TLN2: variants seen among roughly 807,000 people sequenced by gnomAD.
The protein encoded by TLN2 is talin 2.
A neutral mutation model predicts 294.7 loss-of-function variants in TLN2; 118 were observed. That is an observed-to-expected ratio of 0.40 (90% CI 0.34 to 0.47). The LOEUF (loss-of-function observed/expected upper bound fraction) is 0.47, where lower values mean the gene tolerates loss of function less well. Ranked by LOEUF, TLN2 falls within the 20% of genes least tolerant of loss-of-function variation. The pLI is 0.84. For missense variants in TLN2, 3,083 were observed against 3,282.2 expected (o/e 0.94, Z 1.48); for synonymous variants, 1,431 against 1,304.5 (o/e 1.10, Z -2.09).
chr15:62,736,727 ACTT>A, intron 28 of TLN2, 148 bp from the exon 29 acceptor site: 2 of 842,994 alleles, frequency 2.4e-6, no homozygotes, highest in East Asian at 2.7e-5. Flanking sequence ...GAAGCCAGCT[ACTT>A]CTTTGAGAAA....
intron 41 of TLN2, among the ~76,000 whole-genome samples, chr15:62,768,880 G>GAACT (rs2063181536): frequency 6.6e-6 from 1 of 152,230 alleles, no homozygotes; most frequent in African/African-American, 2.4e-5. Context: ...CAGTCCTGAT[G>GAACT]AACTCTCAGT....
intron 1 of TLN2, among the ~76,000 whole-genome samples, chr15:62,573,889 C>T (rs1228023480): frequency 6.6e-6 from 1 of 151,930 alleles, no homozygotes; most frequent in Non-Finnish European, 1.5e-5. Flanking sequence ...AATAGCTACC[C>T]AAGCTCACAA....
At chr15:62,715,353 C>T (rs1397902439) in intron 22 of TLN2, among the ~76,000 whole-genome samples, 2 of 152,166 alleles carry the variant, frequency 1.3e-5, no homozygotes, top group Admixed American at 6.5e-5. Flanking sequence ...TGCCTGAAAG[C>T]GTTCATAGGA....
intron 1 of TLN2, among the ~76,000 whole-genome samples, chr15:62,545,521 T>TGTGTGTGTGTGTGTGTGTGTGC (rs1247879192): frequency 3.4e-4 from 50 of 147,160 alleles, no homozygotes; most frequent in African/African-American, 1.3e-3. Flanking sequence ...TCTTTGTGTG[T>TGTGTGTGTGTGTGTGTGTGTGC]GTGTGTGTGT....
intron 32 of TLN2, among the ~76,000 whole-genome samples, chr15:62,743,683 A>G (rs1330110641): frequency 3.9e-5 from 6 of 152,116 alleles, no homozygotes; most frequent in Non-Finnish European, 5.9e-5. Flanking sequence ...CCCTAAACTT[A>G]GTCAAGGAAA....
chr15:62,837,120 C>T (rs2069766021), intron 57 of TLN2, among the ~76,000 whole-genome samples: 1 of 152,150 alleles, frequency 6.6e-6, no homozygotes, highest in Non-Finnish European at 1.5e-5. Context: ...AGTCATGTAG[C>T]AAATCATAAA....
intron 9 of TLN2, among the ~76,000 whole-genome samples, chr15:62,659,065 A>G (rs2053541395): frequency 6.6e-6 from 1 of 152,220 alleles, no homozygotes; most frequent in South Asian, 2.1e-4. Flanking sequence ...TCTCCCTGGT[A>G]GGAAGGCGAT....
intron 2 of TLN2, among the ~76,000 whole-genome samples, chr15:62,609,005 A>G (rs1391623026): frequency 6.6e-6 from 1 of 152,092 alleles, no homozygotes; most frequent in South Asian, 2.1e-4. Context: ...GCAAGGGAGC[A>G]TAGAGGCCGG....
chr15:62,450,341 A>G (rs76428074), intron 1 of TLN2, among the ~76,000 whole-genome samples: 1,684 of 152,276 alleles, frequency 0.011, 25 homozygotes, highest in African/African-American at 0.038. Flanking sequence ...TATCCGAGTC[A>G]CCGTGTTTGT....
chr15:62,511,264 G>A (rs1289476081), intron 1 of TLN2, among the ~76,000 whole-genome samples: 1 of 152,130 alleles, frequency 6.6e-6, no homozygotes, highest in Non-Finnish European at 1.5e-5. Context: ...GTTTTTTTAT[G>A]TTTAGGAATG....
chr15:62,577,897 T>A (rs201775750), intron 1 of TLN2, among the ~76,000 whole-genome samples: 1 of 152,144 alleles, frequency 6.6e-6, no homozygotes, highest in African/African-American at 2.4e-5. Context: ...CCTGTGTCCA[T>A]GTGTTCTCAT....
In TLN2 at chr15:62,719,943, T is replaced by C. The variant is rs182820155; in HGVS notation, c.2991+63T>C. On this transcript the variant is annotated intron_variant, in intron 25 of 58. Transcript: ENST00000636159. ...CCTCTTCTGGGCAGGGGCTGCCCTT[T>C]AAGGAGAGGAGTTAATGAATTCCAC... The C allele has an allele frequency of 3.9e-4, 490 of 1,265,164 alleles. 2 individuals are homozygous for C. In the African/African-American group the frequency reaches 6.3e-3, roughly 16 times the overall value. 78.4% of individuals were successfully genotyped at this position (1,265,164 alleles called of 1,614,324 possible).
intron 1 of TLN2, among the ~76,000 whole-genome samples, chr15:62,443,669 A>G (rs1461631101): frequency 6.6e-6 from 1 of 152,204 alleles, no homozygotes; most frequent in African/African-American, 2.4e-5. Flanking sequence ...TCACCTGCTG[A>G]TTAGAGAATC....
chr15:62,655,628 AGAGGGTGT>A (rs2053127507), intron 7 of TLN2, among the ~76,000 whole-genome samples: 24 of 1,114 alleles, frequency 0.022, 12 homozygotes, highest in South Asian at 0.33. Flanking sequence ...CCTGCTCCAC[AGAGGGTGT>A]ACTGGGCCAT....
At chr15:62,399,255 A>AC (rs1401401193) in intron 1 of TLN2, among the ~76,000 whole-genome samples, 1 of 138,480 alleles carries the variant, frequency 7.2e-6, no homozygotes, top group Admixed American at 7.4e-5. Context: ...TCCGTCTCAA[A>AC]CAAAAAAAAA....
At chr15:62,401,240 A>T (rs980641566) in intron 1 of TLN2, among the ~76,000 whole-genome samples, 3 of 152,006 alleles carry the variant, frequency 2.0e-5, no homozygotes, top group Admixed American at 6.6e-5. Context: ...TAGTTCTAAA[A>T]TTTTTTAGCA....
intron 3 of TLN2, among the ~76,000 whole-genome samples, chr15:62,622,900 A>G (rs1315939489): frequency 6.6e-6 from 1 of 152,150 alleles, no homozygotes; most frequent in Admixed American, 6.5e-5. Flanking sequence ...TGTCGACATA[A>G]CATCCATCAC....
chr15:62,441,488 A>G (rs1184469050), intron 1 of TLN2, among the ~76,000 whole-genome samples: 1 of 152,326 alleles, frequency 6.6e-6, no homozygotes, highest in East Asian at 1.9e-4. Flanking sequence ...AAACCAAGAT[A>G]TTATTTCCTA....
chr15:62,659,581 C>G (rs1259303911), intron 9 of TLN2, among the ~76,000 whole-genome samples: 4 of 152,218 alleles, frequency 2.6e-5, no homozygotes, highest in Non-Finnish European at 5.9e-5. Flanking sequence ...ACTCACACTC[C>G]AGCAACAGTA....
Sources: gnomAD v4.1 joint callset for allele counts (sites outside exome capture counted in the v4.1 genomes callset) on GRCh38, gnomAD v4.1.1 for gene constraint, MANE v1.5 for transcripts, NCBI Gene and HGNC (gene_info 2026-07-23, HGNC 2026-07-21) for gene names.